The following ME1 variants were observed in gnomAD, a reference collection of about 807,000 sequenced individuals.
ME1 encodes the protein malic enzyme 1.
Under a neutral mutation model 66.4 loss-of-function variants are expected in ME1, and 74 were observed. The ratio of observed to expected loss-of-function variants is 1.11; its 90% CI spans 0.92 to 1.35. The LOEUF is 1.35. ME1 is among the 40% of genes most tolerant of loss of function. The pLI, the probability that ME1 is intolerant of heterozygous loss-of-function variation, is 0.00. For missense variants in ME1, 750 were observed against 694.1 expected, an observed-to-expected ratio of 1.08 and a Z score of -0.90; for synonymous variants, 251 against 235.6, an observed-to-expected ratio of 1.07 and a Z score of -0.60.
chr6:83,317,705 T>C (rs1482360703), intron 5 of ME1, among the ~76,000 whole-genome samples: 1 of 152,170 alleles, frequency 6.6e-6, no homozygotes, highest in Non-Finnish European at 1.5e-5. Flanking sequence ...AGAATCAATA[T>C]CGTGAAAATG....
At chr6:83,252,106 CTGTATT>C (rs1292806498) in intron 7 of ME1, among the ~76,000 whole-genome samples, 1 of 152,094 alleles carries the variant, frequency 6.6e-6, no homozygotes, top group Non-Finnish European at 1.5e-5. Context: ...TAGTGATAGA[CTGTATT>C]TGGTGGGAAA....
At position 83,349,015 on chromosome 6, in the gene ME1, A is replaced by AAAAAAAAAAAAAAAAAAAC. The variant is rs746037012; in HGVS notation, c.439-2682_439-2681insGTTTTTTTTTTTTTTTTTT. ...AAAAAAAAAAAACAAAAAACAAAAA[A>AAAAAAAAAAAAAAAAAAAC]CAGTGCATTCTTTCTTATTTCTTCA... On this transcript the variant is annotated intron_variant, in intron 4 of 13. Transcript: ENST00000369705. 4.0e-5 allele frequency among the ~76,000 whole-genome samples: 5 copies of AAAAAAAAAAAAAAAAAAAC among 124,066 alleles called. 1 individual carries two copies. The highest frequency in any genetic ancestry group is 1.2e-4 in the African/African-American group (4 of 32,272). 81.4% of individuals were successfully genotyped at this position (124,066 alleles called of 152,430 possible).
intron 3 of ME1, among the ~76,000 whole-genome samples, chr6:83,383,627 T>C (rs922501830): frequency 4.0e-5 from 6 of 151,886 alleles, no homozygotes; most frequent in African/African-American, 1.5e-4. Flanking sequence ...AGGGAAATAA[T>C]ATACTTGCAC....
rs186906801 is a variant in ME1 at position 83,220,956 on chromosome 6, C to T, written c.1449+2804G>A. Among the ~76,000 whole-genome samples, 100 of 152,142 alleles carry T rather than the reference C, an allele frequency of 6.6e-4. 2 individuals are homozygous for T. In the East Asian group the frequency reaches 0.014, roughly 21 times the overall value. ...CAGGCTGATCACAAGGTCAAGAGAT[C>T]GAGACCAGTCTGGCCAACATGGTGA... On this transcript the variant is annotated intron_variant, in intron 12 of 13. Transcript: ENST00000369705.
chr6:83,325,040 G>A (rs1290763281), intron 5 of ME1, among the ~76,000 whole-genome samples: 5 of 152,058 alleles, frequency 3.3e-5, no homozygotes, highest in Middle Eastern at 3.2e-3. Flanking sequence ...TTCATCCCTG[G>A]GATGCAAGGC....
intron 4 of ME1, among the ~76,000 whole-genome samples, chr6:83,349,004 A>AAC (rs1562487146): frequency 6.7e-6 from 1 of 148,784 alleles, no homozygotes; most frequent in Non-Finnish European, 1.5e-5. Flanking sequence ...AAAAAAAACA[A>AAC]AAAACAAAAA....
At chr6:83,340,404 A>C (rs1768555838) in intron 5 of ME1, among the ~76,000 whole-genome samples, 1 of 152,174 alleles carries the variant, frequency 6.6e-6, no homozygotes, top group Admixed American at 6.5e-5. Context: ...TAGATTTCAA[A>C]CATTATTTCA....
intron 5 of ME1, among the ~76,000 whole-genome samples, chr6:83,325,475 C>T (rs967094360): frequency 6.6e-6 from 1 of 152,148 alleles, no homozygotes. Context: ...CCCATTGTCT[C>T]AGCACAAAAA....
intron 3 of ME1, chr6:83,392,955 C>A: frequency 1.2e-6 from 1 of 841,666 alleles, no homozygotes; most frequent in East Asian, 2.4e-5. Context: ...CGCTGCCACC[C>A]AGAAGACTAT....
chr6:83,425,864 T>C (rs1274602815), intron 1 of ME1, among the ~76,000 whole-genome samples: 1 of 152,166 alleles, frequency 6.6e-6, no homozygotes, highest in Non-Finnish European at 1.5e-5. Context: ...CATTATTATA[T>C]TACCTGACTT....
chr6:83,342,523 G>T (rs576800974), intron 5 of ME1, among the ~76,000 whole-genome samples: 2 of 152,160 alleles, frequency 1.3e-5, no homozygotes, highest in Non-Finnish European at 2.9e-5. Flanking sequence ...CCTAGGCTTT[G>T]CTTAGGCTTT....
intron 6 of ME1, among the ~76,000 whole-genome samples, chr6:83,261,768 C>G (rs1766895796): frequency 6.6e-6 from 1 of 152,024 alleles, no homozygotes; most frequent in African/African-American, 2.4e-5. Flanking sequence ...AATCCCAGCA[C>G]TTTGGGAGGC....
At chr6:83,232,817 A>G (rs1790329970) in intron 9 of ME1, among the ~76,000 whole-genome samples, 1 of 152,172 alleles carries the variant, frequency 6.6e-6, no homozygotes, top group South Asian at 2.1e-4. Context: ...TGTCAAAACT[A>G]CCTTTATAAC....
At chr6:83,399,156 G>C (rs532210785) in intron 2 of ME1, among the ~76,000 whole-genome samples, 1 of 151,248 alleles carries the variant, frequency 6.6e-6, no homozygotes, top group Non-Finnish European at 1.5e-5. Flanking sequence ...CAACAAGCCC[G>C]GCTAATTTTT....
At chr6:83,312,042 T>A (rs1195880504) in intron 6 of ME1, among the ~76,000 whole-genome samples, 1 of 152,146 alleles carries the variant, frequency 6.6e-6, no homozygotes, top group Non-Finnish European at 1.5e-5. Context: ...CCAGAACCCA[T>A]AAACTGAAGA....
chr6:83,364,263 T>A (rs761713863), intron 3 of ME1, among the ~76,000 whole-genome samples: 2 of 152,258 alleles, frequency 1.3e-5, no homozygotes, highest in African/African-American at 4.8e-5. Flanking sequence ...GCTGGATACT[T>A]CCTGCCCTAA....
intron 13 of ME1, among the ~76,000 whole-genome samples, chr6:83,214,702 G>A (rs1789958845): frequency 6.6e-6 from 1 of 152,062 alleles, no homozygotes; most frequent in Non-Finnish European, 1.5e-5. Flanking sequence ...GTTACCACAT[G>A]CAGAAGATGC....
chr6:83,383,816 A>G (rs1769452911), intron 3 of ME1, among the ~76,000 whole-genome samples: 1 of 151,938 alleles, frequency 6.6e-6, no homozygotes, highest in South Asian at 2.1e-4. Flanking sequence ...TTTGCTTAGA[A>G]AAAAATAAAA....
intron 9 of ME1, among the ~76,000 whole-genome samples, chr6:83,232,463 G>C (rs1701256276): frequency 6.6e-6 from 1 of 152,144 alleles, no homozygotes; most frequent in Non-Finnish European, 1.5e-5. Context: ...AACTCCATCA[G>C]TATTTAATTT....
Sources: gnomAD v4.1 joint callset for allele counts (sites outside exome capture counted in the v4.1 genomes callset) on GRCh38, gnomAD v4.1.1 for gene constraint, MANE v1.5 for transcripts, NCBI Gene and HGNC (gene_info 2026-07-23, HGNC 2026-07-21) for gene names.